The following ITGA11 variants were observed in gnomAD, a reference collection of about 807,000 sequenced individuals.
The protein encoded by ITGA11 is integrin subunit alpha 11, also known as integrin alpha-11.
ITGA11 carries 97 observed loss-of-function variants against 141.9 expected under a neutral mutation model. The observed-to-expected ratio is 0.68, with a 90% CI of 0.58 to 0.81. ITGA11 has a LOEUF of 0.81. Among genes scored for constraint, ITGA11 ranks in the 30% least tolerant of loss-of-function variants. The pLI, the probability that ITGA11 is intolerant of heterozygous loss-of-function variation, is 0.00. For synonymous variants in ITGA11, 658 were observed against 624.6 expected, an observed-to-expected ratio of 1.05 and a Z score of -0.80; for missense variants, 1,387 against 1,559.2, an observed-to-expected ratio of 0.89 and a Z score of 1.86.
intron 26 of ITGA11, 108 bp downstream of exon 26, chr15:68,310,886 T>C: frequency 1.2e-6 from 1 of 802,438 alleles, no homozygotes; most frequent in Non-Finnish European, 2.1e-6. Flanking sequence ...AGGTGCTCAG[T>C]AAGCTCTTAT....
At chr15:68,334,994 G>A (rs561790031) in intron 12 of ITGA11, among the ~76,000 whole-genome samples, 19 of 152,126 alleles carry the variant, frequency 1.2e-4, no homozygotes, top group South Asian at 8.3e-4. Flanking sequence ...GGTGAGGAGC[G>A]GATTCTCACA....
intron 2 of ITGA11, among the ~76,000 whole-genome samples, chr15:68,373,749 C>T (rs1895655650): frequency 6.6e-6 from 1 of 152,170 alleles, no homozygotes; most frequent in Non-Finnish European, 1.5e-5. Flanking sequence ...TCTCTTTTCT[C>T]TGGATGCTGT....
At chr15:68,312,743 C>G in intron 24 of ITGA11, 30 bp downstream of exon 24, 6 of 1,536,946 alleles carry the variant, frequency 3.9e-6, no homozygotes, top group Non-Finnish European at 5.4e-6. Context: ...CCCGTCCTTC[C>G]CCCTCTACCC....
chr15:68,431,475 GCT>G (rs769069030), intron 1 of ITGA11, among the ~76,000 whole-genome samples: 111 of 152,322 alleles, frequency 7.3e-4, no homozygotes, highest in Non-Finnish European at 2.6e-4. Context: ...CCGGGGCTTT[GCT>G]CTGTCTTTGG....
intron 11 of ITGA11, among the ~76,000 whole-genome samples, chr15:68,339,152 C>G (rs1894473781): frequency 6.6e-6 from 1 of 152,218 alleles, no homozygotes; most frequent in Non-Finnish European, 1.5e-5. Context: ...GGGAGGCAGG[C>G]TCAGTGTACT....
intron 7 of ITGA11, among the ~76,000 whole-genome samples, chr15:68,355,455 C>T (rs72743253): frequency 0.051 from 7,464 of 146,466 alleles, 303 homozygotes; most frequent in African/African-American, 0.12. Context: ...TTCTTTTTTT[C>T]TTTTTTTTTT....
At chr15:68,399,560 G>A (rs1454398695) in intron 2 of ITGA11, among the ~76,000 whole-genome samples, 2 of 151,982 alleles carry the variant, frequency 1.3e-5, no homozygotes, top group Admixed American at 1.3e-4. Flanking sequence ...ATCAACCTAG[G>A]TGCCCATTAA....
At chr15:68,389,497 G>A (rs1896065155) in intron 2 of ITGA11, among the ~76,000 whole-genome samples, 2 of 152,202 alleles carry the variant, frequency 1.3e-5, no homozygotes, top group Non-Finnish European at 2.9e-5. Context: ...TGAGGCAGAG[G>A]GACTAGAGAG....
intron 21 of ITGA11, among the ~76,000 whole-genome samples, chr15:68,315,963 T>C (rs1419310654): frequency 1.3e-5 from 2 of 152,214 alleles, no homozygotes; most frequent in Non-Finnish European, 2.9e-5. Flanking sequence ...ATGGGGTTTC[T>C]CGGGGCTGAG....
At chr15:68,410,660 C>T (rs1199204781) in intron 1 of ITGA11, among the ~76,000 whole-genome samples, 2 of 152,196 alleles carry the variant, frequency 1.3e-5, no homozygotes, top group Admixed American at 1.3e-4. Context: ...TGCTCTGCTG[C>T]CAGCCAGCCT....
chr15:68,349,573 G>A (rs1445900428), intron 9 of ITGA11, among the ~76,000 whole-genome samples: 1 of 152,170 alleles, frequency 6.6e-6, no homozygotes, highest in Admixed American at 6.5e-5. Flanking sequence ...TTGTTTACGA[G>A]GGCCATTTTA....
chr15:68,331,564 C>T (rs1035312270), intron 14 of ITGA11, among the ~76,000 whole-genome samples: 7 of 146,166 alleles, frequency 4.8e-5, no homozygotes, highest in Non-Finnish European at 3.0e-5. Context: ...TGCATGTGTG[C>T]GCGTCTCGGG....
At position 68,302,981 on chromosome 15, in the gene ITGA11, T is replaced by G; in HGVS notation, c.*78A>C. The G allele has an allele frequency of 8.2e-7, 1 of 1,217,490 alleles. No homozygotes were observed. Among genetic ancestry groups the G allele is most frequent in the Non-Finnish European group, 1.2e-6 (1 of 868,236 alleles). 75.4% of individuals were successfully genotyped at this position (1,217,490 alleles called of 1,614,324 possible). A position where few individuals can be genotyped will look rare whatever the true frequency, so the allele number is the denominator to read the frequency against. On this transcript the variant is annotated 3_prime_UTR_variant, in exon 30 of 30. Coordinates refer to ENST00000315757, the MANE Select transcript of ITGA11 (RefSeq NM_001004439.2). ...TGGCTTCCTCTCCGCTCCAGCTCGG[T>G]GGGGCCACAGGCCTGGGTCTCAACA...
At chr15:68,336,960 T>C (rs995702858) in intron 11 of ITGA11, among the ~76,000 whole-genome samples, 1 of 152,124 alleles carries the variant, frequency 6.6e-6, no homozygotes, top group African/African-American at 2.4e-5. Context: ...CTTTGGGAAA[T>C]GAGGCTTGAC....
At chr15:68,375,789 C>T (rs777748371) in intron 2 of ITGA11, among the ~76,000 whole-genome samples, 4 of 152,166 alleles carry the variant, frequency 2.6e-5, no homozygotes, top group Non-Finnish European at 5.9e-5. Context: ...GACTGGGCCA[C>T]GGGGTGCCTA....
At chr15:68,419,224 T>C (rs989342557) in intron 1 of ITGA11, among the ~76,000 whole-genome samples, 3 of 152,152 alleles carry the variant, frequency 2.0e-5, no homozygotes, top group South Asian at 4.1e-4. Context: ...TGCAGAGGTC[T>C]TTTTGGTTTT....
At chr15:68,385,756 A>G (rs1396467735) in intron 2 of ITGA11, among the ~76,000 whole-genome samples, 1 of 152,100 alleles carries the variant, frequency 6.6e-6, no homozygotes, top group Non-Finnish European at 1.5e-5. Context: ...GGGCTGGGAG[A>G]CTAGGTTTCA....
At chr15:68,314,795 C>T (rs939453109) in intron 22 of ITGA11, among the ~76,000 whole-genome samples, 8 of 152,286 alleles carry the variant, frequency 5.3e-5, no homozygotes, top group South Asian at 2.1e-4. Context: ...AGCTGGGACG[C>T]GAGCACGTGT....
chr15:68,337,922 G>C (rs1436602496), intron 11 of ITGA11, among the ~76,000 whole-genome samples: 1 of 152,064 alleles, frequency 6.6e-6, no homozygotes, highest in Admixed American at 6.5e-5. Context: ...TGGCTTATTT[G>C]AAATGGCCCC....
Sources: allele counts gnomAD v4.1 joint callset (sites outside exome capture counted in the v4.1 genomes callset), GRCh38; gene constraint gnomAD v4.1.1; transcripts MANE v1.5; gene names NCBI Gene and HGNC (gene_info 2026-07-23, HGNC 2026-07-21).